ATP6V1B2: variants seen among roughly 807,000 people sequenced by gnomAD.
The protein encoded by ATP6V1B2 is ATPase H+ transporting V1 subunit B2.
A neutral mutation model predicts 66.7 loss-of-function variants in ATP6V1B2; 23 were observed. The ratio of observed to expected loss-of-function variants is 0.34; its 90% CI spans 0.25 to 0.49. The LOEUF (loss-of-function observed/expected upper bound fraction) is 0.49. ATP6V1B2 is among the 20% of genes least tolerant of loss of function. The pLI, the probability that ATP6V1B2 is intolerant of heterozygous loss-of-function variation, is 0.99. For synonymous variants in ATP6V1B2, 278 were observed against 236.7 expected (o/e 1.17, Z -1.60); for missense variants, 478 against 650.8 (o/e 0.73, Z 2.89).
chr8:20,212,135 G>T lies in ATP6V1B2; in HGVS notation c.739G>T (p.Asp247Tyr). The change falls in exon 8 of 14, where the codon GAC (aspartate) becomes TAC (tyrosine). Residue 247 changes from aspartate to tyrosine, a missense_variant. Physicochemically the swap from Asp to Tyr is radical, Grantham distance 160. Transcript: ENST00000276390. ...GGAAACTGCCCGGTTCTTCAAATCT[G>T]ACTTTGAAGAAAATGGCTCAATGGA... The part of the protein sequence containing the change: ...NMETARFFKS[D>Y]FEENGSMDNV... The T allele has an allele frequency of 6.2e-7, 1 of 1,613,608 alleles. No homozygotes were observed.
intron 2 of ATP6V1B2, among the ~76,000 whole-genome samples, chr8:20,207,468 T>C (rs1393730266): frequency 6.6e-6 from 1 of 152,082 alleles, no homozygotes; most frequent in Non-Finnish European, 1.5e-5. Flanking sequence ...TAGAAGACAA[T>C]ACAGAAGACC....
At chr8:20,212,282 ATAACAG>A in intron 8 of ATP6V1B2, 83 bp downstream of exon 8, 2 of 1,289,160 alleles carry the variant, frequency 1.6e-6, no homozygotes, top group Non-Finnish European at 2.2e-6. Context: ...AAATGTGGTA[ATAACAG>A]CATTTGGACC....
chr8:20,206,706 C>G (rs548161041), intron 2 of ATP6V1B2, among the ~76,000 whole-genome samples: 1 of 152,210 alleles, frequency 6.6e-6, no homozygotes, highest in South Asian at 2.1e-4. Context: ...AGAAACTCTC[C>G]AAACACCCTC....
At chr8:20,208,709 C>CTTTTT (rs201825705) in intron 2 of ATP6V1B2, among the ~76,000 whole-genome samples, 8 of 134,096 alleles carry the variant, frequency 6.0e-5, no homozygotes, top group African/African-American at 2.2e-4. Context: ...TAGTAACTTT[C>CTTTTT]TTTTTTTTTT....
chr8:20,212,894 G>T lies in ATP6V1B2; in HGVS notation c.916G>T (p.Ala306Ser). 3 of 1,613,486 alleles carry T rather than the reference G, an allele frequency of 1.9e-6. No individual in the cohort carries two copies. Among genetic ancestry groups the T allele is most frequent in the Non-Finnish European group, 2.5e-6 (3 of 1,179,652 alleles). The stretch of plus-strand genomic sequence containing the variant: ...AACAGACATGAGTTCTTATGCTGAA[G>T]CACTTCGAGAGGTAAGTTGTTCATG... Reference protein sequence around the residue: ...ILTDMSSYAEALREVSAAREE... With the variant: ...ILTDMSSYAESLREVSAAREE... The change falls in exon 9 of 14, where the codon GCA (alanine) becomes TCA (serine). Residue 306 changes from alanine (A) to serine (S), a missense_variant. Ala to Ser is a moderately conservative substitution (Grantham distance 99, BLOSUM62 1). Transcript: ENST00000276390.
intron 10 of ATP6V1B2, 43 bp downstream of exon 10, chr8:20,215,011 A>C (rs1447445667): frequency 6.3e-7 from 1 of 1,586,270 alleles, no homozygotes; most frequent in Non-Finnish European, 8.6e-7. Flanking sequence ...AATCATTTTA[A>C]AGAGAGAGAA....
chr8:20,200,371 G>A (rs1422416848), intron 1 of ATP6V1B2, among the ~76,000 whole-genome samples: 1 of 152,086 alleles, frequency 6.6e-6, no homozygotes, highest in East Asian at 1.9e-4. Context: ...TGTCCCCACT[G>A]CCTAGCACAG....
At chr8:20,203,927 A>G (rs1202643091) in intron 1 of ATP6V1B2, 2 of 450,638 alleles carry the variant, frequency 4.4e-6, no homozygotes, top group Admixed American at 2.4e-5. Flanking sequence ...AGTTTTTATG[A>G]CACCATTTAA....
Position 20,216,395 on chromosome 8 carries a change from A to C in ATP6V1B2, c.1079-18A>C, listed in dbSNP as rs200230292. The C allele has an allele frequency of 8.4e-5, 134 of 1,601,940 alleles. No homozygotes were observed. Among genetic ancestry groups the C allele is most frequent in the Non-Finnish European group, 1.1e-4 (131 of 1,169,736 alleles). On this transcript the variant is annotated intron_variant, in intron 10 of 13. Coordinates refer to ENST00000276390, the MANE Select transcript of ATP6V1B2 (RefSeq NM_001693.4). ...CCTAAAGATGCCATGCTTAATGCCA[A>C]CTGTCTTCCTCTGGTAGATATCACT...
intron 2 of ATP6V1B2, among the ~76,000 whole-genome samples, chr8:20,208,493 C>T (rs1265401890): frequency 1.3e-4 from 19 of 151,932 alleles, no homozygotes; most frequent in Non-Finnish European, 5.9e-5. Context: ...ATTAACATGC[C>T]AAATGTCATG....
chr8:20,212,240 G>A lies in ATP6V1B2; in HGVS notation c.803+41G>A, dbSNP rs778048934. 3.2e-6 allele frequency: 5 copies of A among 1,579,946 alleles called. No homozygotes were observed. The East Asian group carries it at 1.1e-4, about 36-fold the overall frequency. On this transcript the variant is annotated intron_variant, in intron 8 of 13. Coordinates refer to ENST00000276390, the MANE Select transcript of ATP6V1B2 (RefSeq NM_001693.4). ...ATTTCTTTCTGTGGCCCAGACTCGG[G>A]ATCAAAAGTGTGTCTTAAGGTTGGG...
chr8:20,199,186 A>G (rs1161640850), intron 1 of ATP6V1B2, among the ~76,000 whole-genome samples: 4 of 152,222 alleles, frequency 2.6e-5, no homozygotes, highest in African/African-American at 9.6e-5. Flanking sequence ...GTTTGTACGT[A>G]CTTACCCAGT....
At chr8:20,198,352 G>A (rs1483665796) in intron 1 of ATP6V1B2, among the ~76,000 whole-genome samples, 1 of 152,234 alleles carries the variant, frequency 6.6e-6, no homozygotes, top group East Asian at 1.9e-4. Context: ...CTTTGGGGAA[G>A]CCAGGTGGCT....
At chr8:20,198,838 T>A (rs1355788463) in intron 1 of ATP6V1B2, among the ~76,000 whole-genome samples, 1 of 152,220 alleles carries the variant, frequency 6.6e-6, no homozygotes, top group South Asian at 2.1e-4. Context: ...ATTGTTCGAA[T>A]TAGAAAATGT....
intron 1 of ATP6V1B2, among the ~76,000 whole-genome samples, chr8:20,199,272 T>C (rs1290277108): frequency 2.6e-5 from 4 of 152,204 alleles, no homozygotes; most frequent in Non-Finnish European, 5.9e-5. Flanking sequence ...CTGTTAGATG[T>C]CAGGGATCCT....
Position 20,221,239 on chromosome 8 carries a change from T to C in ATP6V1B2, c.*837T>C, listed in dbSNP as rs911190135. On this transcript the variant is annotated 3_prime_UTR_variant, in exon 14 of 14. Transcript: ENST00000276390. ...TGACATGCTAACAGTGGTTTAAGTTTCTAAAGTGTTTACCAGATGCTGAAG... is the reference window on the plus strand; with the variant it reads ...TGACATGCTAACAGTGGTTTAAGTTCCTAAAGTGTTTACCAGATGCTGAAG... 6.6e-6 allele frequency: 1 copy of C among 152,248 alleles called. No individual in the cohort carries two copies. Among genetic ancestry groups the C allele is most frequent in the African/African-American group, 2.4e-5 (1 of 41,476 alleles). 9.4% of individuals were successfully genotyped at this position (152,248 alleles called of 1,614,324 possible).
chr8:20,213,074 G>T (rs1304423385), intron 9 of ATP6V1B2, 169 bp downstream of exon 9: 36 of 846,346 alleles, frequency 4.3e-5, no homozygotes, highest in Non-Finnish European at 6.2e-5. Context: ...TGTCAACTTG[G>T]TAGAAGTGAT....
At chr8:20,209,568 TG>T in intron 3 of ATP6V1B2, 37 bp downstream of exon 3, 1 of 1,560,748 alleles carries the variant, frequency 6.4e-7, no homozygotes, top group Non-Finnish European at 8.8e-7. Context: ...GTTTCCTAGT[TG>T]CCTACACATA....
intron 3 of ATP6V1B2, 99 bp from the exon 4 acceptor site, chr8:20,210,246 TG>T: frequency 1.1e-6 from 1 of 887,024 alleles, no homozygotes; most frequent in Admixed American, 2.6e-5. Flanking sequence ...TATACATTCA[TG>T]GGTTTTACAT....
Sources: allele counts gnomAD v4.1 joint callset (sites outside exome capture counted in the v4.1 genomes callset), GRCh38; gene constraint gnomAD v4.1.1; transcripts MANE v1.5; gene names NCBI Gene and HGNC (gene_info 2026-07-23, HGNC 2026-07-21).